PAQR3: variants seen among roughly 807,000 people sequenced by gnomAD.
The protein encoded by PAQR3 is progestin and adipoQ receptor family member 3, also known as Raf kinase trapping to Golgi.
PAQR3 carries 39 observed loss-of-function variants against 41.7 expected under a neutral mutation model. That is an observed-to-expected ratio of 0.93 (90% CI 0.72 to 1.22). The LOEUF (loss-of-function observed/expected upper bound fraction) is 1.22, where lower values mean the gene tolerates loss of function less well. Ranked by LOEUF, PAQR3 falls within the 50% of genes most tolerant of loss-of-function variation. PAQR3 has a pLI of 0.00. For synonymous variants in PAQR3, 140 were observed against 140.6 expected (o/e 1.00, Z 0.03); for missense variants, 366 against 385.6 (o/e 0.95, Z 0.42).
chr4:78,923,419 T>G, intron 5 of PAQR3: 1 of 207,406 alleles, frequency 4.8e-6, no homozygotes, highest in Non-Finnish European at 9.7e-6. Flanking sequence ...GACATGTTGG[T>G]GTGCTGCACC....
chr4:78,917,852 A>G lies in PAQR3; in HGVS notation c.*2687T>C, dbSNP rs1735234767. ...CAGGTGGGATGCCATAAGATGTGACAGACATTCCCTGAATCTTCGTTCCTG... is the reference window on the plus strand; with the variant it reads ...CAGGTGGGATGCCATAAGATGTGACGGACATTCCCTGAATCTTCGTTCCTG... On this transcript the variant is annotated 3_prime_UTR_variant, in exon 6 of 6. Coordinates refer to ENST00000512733, the MANE Select transcript of PAQR3 (RefSeq NM_001040202.2). 1.0e-6 allele frequency: 1 copy of G among 985,420 alleles called. No homozygotes were observed. The highest frequency in any genetic ancestry group is 6.2e-5 in the Admixed American group (1 of 16,200). 61.0% of individuals were successfully genotyped at this position (985,420 alleles called of 1,614,324 possible).
rs1736690582 is a variant in PAQR3, at chr4:78,930,167, T to C, written c.504+3A>G. On this transcript the variant is annotated splice_donor_region_variant and intron_variant, in intron 3 of 5. Transcript: ENST00000512733. The stretch of plus-strand genomic sequence containing the variant: ...CGAATGTAAAATGTTTTCATCTACT[T>C]ACGTTATTACAATAAAATGCGTAAA... 1.2e-6 allele frequency: 2 copies of C among 1,603,492 alleles called. No individual in the cohort carries two copies. Among genetic ancestry groups the C allele is most frequent in the East Asian group, 4.5e-5 (2 of 44,662 alleles).
At chr4:78,887,685 C>T (rs185637178) in intron 12 of PAQR3, among the ~76,000 whole-genome samples, 68 of 152,224 alleles carry the variant, frequency 4.5e-4, no homozygotes, top group African/African-American at 1.4e-3. Flanking sequence ...CTTTGTTTTA[C>T]TCTTGTCTTC....
intron 11 of PAQR3, among the ~76,000 whole-genome samples, chr4:78,902,997 ATGT>A (rs1290724107): frequency 6.6e-6 from 1 of 151,940 alleles, no homozygotes; most frequent in African/African-American, 2.4e-5. Flanking sequence ...AGCCTAAGAA[ATGT>A]TGTTTTAGGC....
chr4:78,888,948 G>A (rs1298257148), intron 11 of PAQR3, among the ~76,000 whole-genome samples: 1 of 152,158 alleles, frequency 6.6e-6, no homozygotes, highest in African/African-American at 2.4e-5. Context: ...TGGGCCGGGC[G>A]CGGTGGCTTG....
chr4:78,917,665 A>G lies in PAQR3; in HGVS notation c.*2874T>C, dbSNP rs929771098. ...CCAGGAATGATGATTTACAGTGGAC[A>G]GGGACCTAATGCAGCAAAGCAACCA... On this transcript the variant is annotated 3_prime_UTR_variant, in exon 6 of 6. Coordinates refer to ENST00000512733, the MANE Select transcript of PAQR3 (RefSeq NM_001040202.2). 1 of 278,352 alleles carries G rather than the reference A, an allele frequency of 3.6e-6. No homozygotes were observed. The highest frequency in any genetic ancestry group is 1.4e-4 in the South Asian group (1 of 7,198). The allele number at this position is 278,352 out of a possible 1,614,324, so 17.2% of individuals were successfully genotyped here. A position where few individuals can be genotyped will look rare whatever the true frequency, so the allele number is the denominator to read the frequency against.
Position 78,920,069 on chromosome 4 carries a change from TTAGTGATTA to T in PAQR3, c.*461_*469del. ...TAGTGATTATTTAAATCTAGTGATT[TTAGTGATTA>T]TTTAAAATCACTATCCTAGCTTGCA... is the stretch of plus-strand genomic sequence containing the variant. On this transcript the variant is annotated 3_prime_UTR_variant, in exon 6 of 6. Coordinates refer to ENST00000512733, the MANE Select transcript of PAQR3 (RefSeq NM_001040202.2). 1.0e-6 allele frequency: 1 copy of T among 985,260 alleles called. No individual in the cohort carries two copies. Among genetic ancestry groups the T allele is most frequent in the Non-Finnish European group, 1.2e-6 (1 of 829,460 alleles). 61.0% of individuals were successfully genotyped at this position (985,260 alleles called of 1,614,324 possible).
rs536533473 is a variant in PAQR3, at chr4:78,925,333, C to T, written c.702+1188G>A. Among the ~76,000 whole-genome samples, 13 of 136,372 alleles carry T rather than the reference C, an allele frequency of 9.5e-5. No homozygotes were observed. The South Asian group carries it at 3.1e-3, about 33-fold the overall frequency. 89.5% of individuals were successfully genotyped at this position (136,372 alleles called of 152,430 possible). A position where few individuals can be genotyped will look rare whatever the true frequency, so the allele number is the denominator to read the frequency against. The stretch of plus-strand genomic sequence containing the variant: ...ACCAATTATTCCAGCTGGAATTTAT[C>T]TACAGTGGCAGTTCCCCATTTCATT... On this transcript the variant is annotated intron_variant, in intron 4 of 5. Transcript: ENST00000512733.
At chr4:78,911,597 G>C, downstream of PAQR3, 3 of 1,613,868 alleles carry the variant, frequency 1.9e-6, no homozygotes, top group Non-Finnish European at 1.7e-6. Context: ...ACTCCAGAGA[G>C]GGCTCGCAGG....
intron 11 of PAQR3, among the ~76,000 whole-genome samples, chr4:78,898,541 A>AGAT (rs1733829655): frequency 1.3e-5 from 2 of 150,968 alleles, no homozygotes; most frequent in African/African-American, 4.9e-5. Flanking sequence ...GAATATGATT[A>AGAT]ATACAGTCTA....
chr4:78,911,185 C>T, downstream of PAQR3: 1 of 1,613,734 alleles, frequency 6.2e-7, no homozygotes, highest in Non-Finnish European at 8.5e-7. Flanking sequence ...TGAAAAGAAC[C>T]TCCCTCAACA....
intron 11 of PAQR3, among the ~76,000 whole-genome samples, chr4:78,903,114 G>A (rs1357812588): frequency 6.6e-6 from 1 of 151,092 alleles, no homozygotes; most frequent in Non-Finnish European, 1.5e-5. Context: ...TGTATTGTAT[G>A]CCATACAATA....
intron 5 of PAQR3, chr4:78,922,848 A>T (rs889815864): frequency 8.9e-6 from 4 of 448,188 alleles, no homozygotes; most frequent in African/African-American, 2.0e-5. Context: ...GTAACTAGAA[A>T]GTGGTTGATG....
chr4:78,888,156 A>G (rs1733205924), intron 11 of PAQR3: 1 of 152,210 alleles, frequency 6.6e-6, no homozygotes, highest in Non-Finnish European at 1.5e-5. Context: ...TATCTGGAAT[A>G]TACAGGATAG....
rs552928547 is a variant in PAQR3, at chr4:78,900,810, G to A, written c.*836+5298C>T. 1.8e-3 allele frequency among the ~76,000 whole-genome samples: 269 copies of A among 152,124 alleles called. 1 individual carries two copies. The highest frequency in any genetic ancestry group is 3.4e-3 in the Non-Finnish European group (229 of 67,990). On this transcript the variant is annotated intron_variant and NMD_transcript_variant, in intron 11 of 12. Transcript: ENST00000342820. ...GTTAAATTTATAATGATCCATTTAC[G>A]CAAAAATCAAATAATTGTATCAATA...
Position 78,919,631 on chromosome 4 carries a change from C to T in PAQR3, c.*908G>A, listed in dbSNP as rs1460871213. On this transcript the variant is annotated 3_prime_UTR_variant, in exon 6 of 6. Coordinates refer to ENST00000512733, the MANE Select transcript of PAQR3 (RefSeq NM_001040202.2). ...AGACAGGGCCATCTAGATTCTATGGCCTTGCAAGTAGCACCCACAATGCTG... is the reference window on the plus strand; with the variant it reads ...AGACAGGGCCATCTAGATTCTATGGTCTTGCAAGTAGCACCCACAATGCTG... 1.0e-6 allele frequency: 1 copy of T among 984,934 alleles called. No individual in the cohort carries two copies. The highest frequency in any genetic ancestry group is 6.2e-5 in the Admixed American group (1 of 16,176). 61.0% of individuals were successfully genotyped at this position (984,934 alleles called of 1,614,324 possible). A position where few individuals can be genotyped will look rare whatever the true frequency, so the allele number is the denominator to read the frequency against.
rs949294647 is a variant in PAQR3, at chr4:78,939,255, G to A, written c.-31C>T. 8 of 1,569,136 alleles carry A rather than the reference G, an allele frequency of 5.1e-6. No homozygotes were observed. Among genetic ancestry groups the A allele is most frequent in the Non-Finnish European group, 6.9e-6 (8 of 1,161,190 alleles). On this transcript the variant is annotated 5_prime_UTR_variant, in exon 1 of 6. Transcript: ENST00000512733. ...CCGGCCGCCGCCGCTCCCCGGCTCGGGAGCTCCCCCAGGTCCCGCCTCCCC... is the reference window on the plus strand; with the variant it reads ...CCGGCCGCCGCCGCTCCCCGGCTCGAGAGCTCCCCCAGGTCCCGCCTCCCC...
At chr4:78,907,687 T>G (rs1023133535), downstream of PAQR3, among the ~76,000 whole-genome samples, 11 of 152,202 alleles carry the variant, frequency 7.2e-5, no homozygotes, top group Non-Finnish European at 1.6e-4. Flanking sequence ...ATGAGCATAC[T>G]CCAGGTGAGT....
intron 5 of PAQR3, among the ~76,000 whole-genome samples, chr4:78,921,129 C>T (rs192483903): frequency 5.3e-5 from 8 of 152,012 alleles, no homozygotes; most frequent in Admixed American, 2.6e-4. Flanking sequence ...TTATTTCAAG[C>T]AGGTGTGCAA....
Sources: gnomAD v4.1 joint callset for allele counts (sites outside exome capture counted in the v4.1 genomes callset) on GRCh38, gnomAD v4.1.1 for gene constraint, MANE v1.5 for transcripts, NCBI Gene and HGNC (gene_info 2026-07-23, HGNC 2026-07-21) for gene names.